The following ABCC9 variants were observed in gnomAD, a reference collection of about 807,000 sequenced individuals.
ABCC9 encodes the protein ATP-binding cassette sub-family C member 9.
In ABCC9, 95 loss-of-function variants were observed where a neutral mutation model predicts 188.3. That is an observed-to-expected ratio of 0.50 (90% CI 0.43 to 0.60). The LOEUF is 0.60. ABCC9 is among the 20% of genes least tolerant of loss of function. The pLI is 0.00. For missense variants in ABCC9, 1,102 were observed against 1,876.3 expected, an observed-to-expected ratio of 0.59 and a Z score of 7.62; for synonymous variants, 659 against 652.7, an observed-to-expected ratio of 1.01 and a Z score of -0.15.
At chr12:21,933,250 G>C (rs1374023118) in intron 4 of ABCC9, among the ~76,000 whole-genome samples, 1 of 151,820 alleles carries the variant, frequency 6.6e-6, no homozygotes, top group African/African-American at 2.4e-5. Context: ...AGGAGGGAGA[G>C]GATCAGGAAA....
chr12:21,816,967 TTAAA>T (rs1942688413), intron 33 of ABCC9, among the ~76,000 whole-genome samples: 1 of 152,280 alleles, frequency 6.6e-6, no homozygotes, highest in Admixed American at 6.5e-5. Flanking sequence ...TTAAATGTCA[TTAAA>T]TAAATATCTG....
intron 29 of ABCC9, among the ~76,000 whole-genome samples, chr12:21,838,654 C>G (rs1266147020): frequency 6.6e-6 from 1 of 152,034 alleles, no homozygotes; most frequent in Non-Finnish European, 1.5e-5. Context: ...TAGGAAGAGG[C>G]TATGTAAAGG....
chr12:21,882,675 G>T, intron 16 of ABCC9, 91 bp downstream of exon 16: 1 of 1,154,072 alleles, frequency 8.7e-7, no homozygotes, highest in Non-Finnish European at 1.3e-6. Flanking sequence ...ACAATTTAAA[G>T]GCACAATTTG....
chr12:21,908,779 T>G (rs181258639), intron 10 of ABCC9, among the ~76,000 whole-genome samples: 4 of 152,018 alleles, frequency 2.6e-5, no homozygotes, highest in Non-Finnish European at 5.9e-5. Context: ...TAACTAAAAC[T>G]GTTAAAAAGC....
chr12:21,933,842 AG>A lies in ABCC9; in HGVS notation c.223del (p.Thr76HisfsTer12). The A allele has an allele frequency of 6.2e-7, 1 of 1,613,748 alleles. No homozygotes were observed. Among genetic ancestry groups the A allele is most frequent in the Non-Finnish European group, 8.5e-7 (1 of 1,179,722 alleles). On this transcript the variant is annotated frameshift_variant, in exon 4 of 40. Coordinates refer to ENST00000261200, the MANE Select transcript of ABCC9 (RefSeq NM_020297.4). LOFTEE classifies it high-confidence loss of function. ...ATGCACAAACAGGAGAGCGAATGTA[AG>A]AATCCATCTCAGGTTATGTCCCGGA... ...HFPGHNLRWI[L>X]TFALLFVHVC...
At chr12:21,879,365 CAA>C (rs1174685794) in intron 16 of ABCC9, among the ~76,000 whole-genome samples, 1 of 152,128 alleles carries the variant, frequency 6.6e-6, no homozygotes, top group African/African-American at 2.4e-5. Context: ...CAGATAGACA[CAA>C]AATGTCACCT....
At chr12:21,814,530 G>T in intron 35 of ABCC9, 114 bp downstream of exon 35, 2 of 857,638 alleles carry the variant, frequency 2.3e-6, no homozygotes, top group South Asian at 1.4e-5. Context: ...ACCATGTGTA[G>T]AGCACAAAGT....
chr12:21,861,132 T>G, intron 20 of ABCC9, 77 bp from the exon 21 acceptor site: 1 of 1,181,946 alleles, frequency 8.5e-7, no homozygotes, highest in Non-Finnish European at 1.3e-6. Context: ...ATTCAATACT[T>G]TGGAAGTTGA....
At chr12:21,856,497 A>G (rs921060797) in intron 22 of ABCC9, among the ~76,000 whole-genome samples, 2 of 52,956 alleles carry the variant, frequency 3.8e-5, no homozygotes, top group Non-Finnish European at 7.1e-5. Flanking sequence ...GATGCAATGA[A>G]GTTTTCAAAA....
At chr12:21,903,860 G>C (rs1947894937) in intron 12 of ABCC9, among the ~76,000 whole-genome samples, 1 of 152,212 alleles carries the variant, frequency 6.6e-6, no homozygotes, top group Admixed American at 6.5e-5. Flanking sequence ...ACTGCCCAAG[G>C]TAATTTATAG....
chr12:21,926,259 A>C (rs1369779302), intron 4 of ABCC9, among the ~76,000 whole-genome samples, 196 bp from the exon 5 acceptor site: 3 of 152,254 alleles, frequency 2.0e-5, no homozygotes, highest in Admixed American at 2.0e-4. Flanking sequence ...TTATCTTAAC[A>C]TGAATGGCCA....
chr12:21,880,064 A>G (rs1171556968), intron 16 of ABCC9, among the ~76,000 whole-genome samples: 1 of 150,862 alleles, frequency 6.6e-6, no homozygotes, highest in East Asian at 1.9e-4. Flanking sequence ...ACATGGGGCT[A>G]GGCAACTAGA....
intron 38 of ABCC9, among the ~76,000 whole-genome samples, chr12:21,806,412 T>A (rs1353740864): frequency 1.3e-5 from 2 of 152,160 alleles, no homozygotes; most frequent in Non-Finnish European, 2.9e-5. Flanking sequence ...GATGTTAACC[T>A]TTGAGTCAAA....
intron 22 of ABCC9, 36 bp downstream of exon 22, chr12:21,859,550 A>G: frequency 1.3e-6 from 2 of 1,593,666 alleles, no homozygotes; most frequent in Non-Finnish European, 1.7e-6. Context: ...AGATGGAAGA[A>G]TGAAATAGAA....
At chr12:21,877,219 A>G (rs1307006568) in intron 16 of ABCC9, among the ~76,000 whole-genome samples, 1 of 152,234 alleles carries the variant, frequency 6.6e-6, no homozygotes, top group Non-Finnish European at 1.5e-5. Flanking sequence ...ACAAGACACG[A>G]CATTATGGGC....
rs780157680 is a variant in ABCC9, at chr12:21,818,237, A to C, written c.3684T>G (p.Ala1228=). The C allele has an allele frequency of 3.1e-6, 5 of 1,613,554 alleles. No homozygotes were observed. Among genetic ancestry groups the C allele is most frequent in the Non-Finnish European group, 4.2e-6 (5 of 1,179,562 alleles). The change falls in exon 32 of 40, where the codon GCT becomes GCG. Residue 1228 remains alanine (A), a synonymous_variant. Transcript: ENST00000261200. ...WLEVRTDYLG[A]CIVLTASIAS... The stretch of plus-strand genomic sequence containing the variant: ...CTATAGATGCAGTGAGGACAATGCA[A>C]GCTCCCAGATAATCCTTTGAAAAAG...
At chr12:21,933,985 C>T (rs1348830228) in intron 3 of ABCC9, 62 bp from the exon 4 acceptor site, 45 of 1,588,794 alleles carry the variant, frequency 2.8e-5, no homozygotes, top group Admixed American at 3.4e-5. Context: ...TTGTAATAAA[C>T]ATAATTTAAA....
rs372808204 is a variant in ABCC9 at position 21,910,996 on chromosome 12, A to G, written c.1012-18T>C. 1.4e-5 allele frequency: 23 copies of G among 1,611,230 alleles called. No individual in the cohort carries two copies. The highest frequency in any genetic ancestry group is 2.7e-5 in the African/African-American group (2 of 74,810). ...TCTGAAATCTGGTCCCCAAAGAAAAAAAGTGTCATATTAAAACTCGTCTTT... is the reference window on the plus strand; with the variant it reads ...TCTGAAATCTGGTCCCCAAAGAAAAGAAGTGTCATATTAAAACTCGTCTTT... On this transcript the variant is annotated intron_variant, in intron 8 of 39. Transcript: ENST00000261200.
chr12:21,923,596 C>A, intron 5 of ABCC9: 1 of 520,608 alleles, frequency 1.9e-6, no homozygotes, highest in Admixed American at 3.5e-5. Context: ...AGTACACACC[C>A]ACTAGCATGA....
Sources: gnomAD v4.1 joint callset for allele counts (sites outside exome capture counted in the v4.1 genomes callset) on GRCh38, gnomAD v4.1.1 for gene constraint, MANE v1.5 for transcripts, NCBI Gene and HGNC (gene_info 2026-07-23, HGNC 2026-07-21) for gene names.